Variants in ZNF704 observed in about 807,000 individuals in gnomAD.
ZNF704 encodes zinc finger protein 704.
A neutral mutation model predicts 44.7 loss-of-function variants in ZNF704; 10 were observed. The observed-to-expected ratio is 0.22, with a 90% CI of 0.14 to 0.38. ZNF704 has a LOEUF of 0.38. ZNF704 is among the 10% of genes least tolerant of loss of function. The probability of loss-of-function intolerance (pLI) is 1.00; values close to 1 mark genes in which losing one functional copy is unlikely to be tolerated. For synonymous variants in ZNF704, 211 were observed against 207.6 expected, an observed-to-expected ratio of 1.02 and a Z score of -0.14; for missense variants, 390 against 545.5, an observed-to-expected ratio of 0.71 and a Z score of 2.84.
chr8:80,712,089 G>A (rs968659436), intron 2 of ZNF704, among the ~76,000 whole-genome samples: 2 of 152,240 alleles, frequency 1.3e-5, no homozygotes, highest in African/African-American at 4.8e-5. Flanking sequence ...TTTAAGAGGT[G>A]TTTGGGTCAT....
intron 1 of ZNF704, among the ~76,000 whole-genome samples, chr8:80,860,595 C>G (rs753641442): frequency 6.6e-6 from 1 of 152,166 alleles, no homozygotes; most frequent in Non-Finnish European, 1.5e-5. Flanking sequence ...GATTTGTAAG[C>G]CTGTGTGACC....
At chr8:80,804,706 AG>A (rs1807958867) in intron 2 of ZNF704, among the ~76,000 whole-genome samples, 1 of 152,128 alleles carries the variant, frequency 6.6e-6, no homozygotes, top group African/African-American at 2.4e-5. Context: ...GAAGAGCATC[AG>A]GAAGAATAGT....
At chr8:80,671,701 T>C (rs1018525552) in intron 4 of ZNF704, among the ~76,000 whole-genome samples, 2 of 152,194 alleles carry the variant, frequency 1.3e-5, no homozygotes, top group African/African-American at 2.4e-5. Flanking sequence ...CCAAGCCCCA[T>C]TTCCTTTTCC....
chr8:80,837,748 G>A lies in ZNF704; in HGVS notation c.-21-16133C>T, dbSNP rs569156926. ...GCAGATGGAATTTGAGCCCCACCCA[G>A]TTATTTCTTTTCGAAGGAGGCCAAG... On this transcript the variant is annotated intron_variant, in intron 1 of 8. Coordinates refer to ENST00000327835, the MANE Select transcript of ZNF704 (RefSeq NM_001033723.3). Among the ~76,000 whole-genome samples the A allele has an allele frequency of 7.9e-5, 12 of 152,264 alleles. No individual in the cohort carries two copies. In the East Asian group the frequency reaches 2.3e-3, roughly 29 times the overall value.
chr8:80,665,025 G>A lies in ZNF704; in HGVS notation c.717C>T (p.Ile239=). 1 of 1,614,208 alleles carries A rather than the reference G, an allele frequency of 6.2e-7. No homozygotes were observed. The highest frequency in any genetic ancestry group is 8.5e-7 in the Non-Finnish European group (1 of 1,180,014). The change falls in exon 6 of 9, where the codon ATC becomes ATT. Residue 239 remains isoleucine (I), a synonymous_variant. Coordinates refer to ENST00000327835, the MANE Select transcript of ZNF704 (RefSeq NM_001033723.3). ...CTGCCACTGAGTCTGTGTTGAGCTT[G>A]ATCTCAGTGTAGTAAAAGTCCTCTT... ...DGEEDFYYTE[I]KLNTDSVADG...
intron 2 of ZNF704, among the ~76,000 whole-genome samples, chr8:80,770,150 G>A (rs551310191): frequency 1.7e-4 from 26 of 152,264 alleles, no homozygotes; most frequent in South Asian, 1.5e-3. Flanking sequence ...CCCACAACAC[G>A]TGGGAATTCA....
intron 2 of ZNF704, 98 bp downstream of exon 2, chr8:80,821,276 G>T: frequency 7.9e-7 from 1 of 1,270,330 alleles, no homozygotes; most frequent in Non-Finnish European, 1.1e-6. Context: ...CCTTTCATAT[G>T]TCTATATACT....
Position 80,687,364 on chromosome 8 carries a change from G to A in ZNF704, c.420C>T (p.Ser140=), listed in dbSNP as rs1363148679. ...GCGGCGGCGACGGCGTGGACGGGTT[G>A]GACTGGTCGCTGGGGGCGCTCCAGC... ...YWSWSAPSDQ[S]NPSTPSPPLS... is the part of the protein sequence containing the mutation. Residue 140 remains serine, a synonymous_variant, in exon 4 of 9, where the codon TCC becomes TCT. Coordinates refer to ENST00000327835, the MANE Select transcript of ZNF704 (RefSeq NM_001033723.3). 2.5e-6 allele frequency: 4 copies of A among 1,607,836 alleles called. No homozygotes were observed. In the South Asian group the frequency reaches 3.3e-5, roughly 13 times the overall value.
At chr8:80,826,632 T>G (rs1808382052) in intron 1 of ZNF704, among the ~76,000 whole-genome samples, 1 of 152,132 alleles carries the variant, frequency 6.6e-6, no homozygotes, top group South Asian at 2.1e-4. Flanking sequence ...AAAGGAGAAT[T>G]TTAGACCAAT....
intron 1 of ZNF704, among the ~76,000 whole-genome samples, chr8:80,854,786 T>C (rs1023403570): frequency 6.6e-6 from 1 of 152,226 alleles, no homozygotes; most frequent in Non-Finnish European, 1.5e-5. Flanking sequence ...AACTGTAATA[T>C]GCATTCTGTA....
intron 2 of ZNF704, among the ~76,000 whole-genome samples, chr8:80,782,716 T>G (rs16908025): frequency 0.13 from 20,324 of 152,102 alleles, 2,111 homozygotes; most frequent in African/African-American, 0.29. Flanking sequence ...ATCTGAGGGA[T>G]CTTGGGTTGT....
chr8:80,640,665 C>T lies in ZNF704; in HGVS notation c.*701G>A, dbSNP rs1817727555. On this transcript the variant is annotated 3_prime_UTR_variant, in exon 9 of 9. Transcript: ENST00000327835. ...TTTCCCAACAGTGACAGCTGGACTTCCTGAACTCAGCTTCGGGCTGAAGTC... is the reference window on the plus strand; with the variant it reads ...TTTCCCAACAGTGACAGCTGGACTTTCTGAACTCAGCTTCGGGCTGAAGTC... The T allele has an allele frequency of 6.6e-6, 1 of 152,210 alleles. No individual in the cohort carries two copies. Among genetic ancestry groups the T allele is most frequent in the African/African-American group, 2.4e-5 (1 of 41,422 alleles). 9.4% of individuals were successfully genotyped at this position (152,210 alleles called of 1,614,324 possible).
chr8:80,662,523 A>G (rs892799362), intron 6 of ZNF704, among the ~76,000 whole-genome samples: 1 of 152,224 alleles, frequency 6.6e-6, no homozygotes, highest in Non-Finnish European at 1.5e-5. Context: ...GACCAACATA[A>G]TAAGAGTCAG....
rs1396218954 is a variant in ZNF704, at chr8:80,632,114, A to C, written c.*9252T>G. ...TTCTTGAGTGCTGGTTTTCCTCTTAAGTCAAGGATGTAGAGAGAATTCAGA... is the reference window on the plus strand; with the variant it reads ...TTCTTGAGTGCTGGTTTTCCTCTTACGTCAAGGATGTAGAGAGAATTCAGA... On this transcript the variant is annotated 3_prime_UTR_variant, in exon 9 of 9. Coordinates refer to ENST00000327835, the MANE Select transcript of ZNF704 (RefSeq NM_001033723.3). 2.6e-5 allele frequency: 4 copies of C among 152,220 alleles called. No individual in the cohort carries two copies. Among genetic ancestry groups the C allele is most frequent in the Admixed American group, 6.5e-5 (1 of 15,288 alleles). The allele number at this position is 152,220 out of a possible 1,614,324, so 9.4% of individuals were successfully genotyped here.
At chr8:80,837,622 C>T (rs1173289364) in intron 1 of ZNF704, among the ~76,000 whole-genome samples, 1 of 152,292 alleles carries the variant, frequency 6.6e-6, no homozygotes. Context: ...AATCCAGCCC[C>T]CTACTCCCCC....
Position 80,670,507 on chromosome 8 carries a change from G to A in ZNF704, c.655C>T (p.Leu219=). Residue 219 remains leucine, a synonymous_variant, in exon 5 of 9, where the codon CTG becomes TTG. Coordinates refer to ENST00000327835, the MANE Select transcript of ZNF704 (RefSeq NM_001033723.3). ...CTGAAGAGAGAGCTGCCTTACCCCA[G>A]ATGGATGGTTCGGATGTGTTTCTGG... is the stretch of plus-strand genomic sequence containing the variant. The part of the protein sequence containing the change: ...GIQKHIRTIH[L]GRVGDSDYSD... The A allele has an allele frequency of 2.5e-6, 4 of 1,613,338 alleles. No individual in the cohort carries two copies. Among genetic ancestry groups the A allele is most frequent in the Non-Finnish European group, 3.4e-6 (4 of 1,179,398 alleles).
chr8:80,825,343 T>C (rs900053833), intron 1 of ZNF704, among the ~76,000 whole-genome samples: 3 of 151,978 alleles, frequency 2.0e-5, no homozygotes, highest in Non-Finnish European at 2.9e-5. Context: ...CATTACATAA[T>C]GGTAAAGGGA....
chr8:80,769,704 C>T (rs1438062419), intron 2 of ZNF704, among the ~76,000 whole-genome samples: 6 of 152,336 alleles, frequency 3.9e-5, no homozygotes, highest in African/African-American at 1.4e-4. Flanking sequence ...AGTCATTCAA[C>T]AAGTGTCTAG....
intron 4 of ZNF704, among the ~76,000 whole-genome samples, chr8:80,683,877 C>A (rs1282659916): frequency 5.9e-5 from 9 of 152,178 alleles, no homozygotes; most frequent in African/African-American, 2.2e-4. Flanking sequence ...TGGGAGTGAG[C>A]CATCTCTGTG....
Sources: gnomAD v4.1 joint callset for allele counts (sites outside exome capture counted in the v4.1 genomes callset) on GRCh38, gnomAD v4.1.1 for gene constraint, MANE v1.5 for transcripts, NCBI Gene and HGNC (gene_info 2026-07-23, HGNC 2026-07-21) for gene names.